GABRB1: variants seen among roughly 807,000 people sequenced by gnomAD.
The protein encoded by GABRB1 is gamma-aminobutyric acid receptor subunit beta-1.
Under a neutral mutation model 51.6 loss-of-function variants are expected in GABRB1, and 17 were observed. That is an observed-to-expected ratio of 0.33 (90% CI 0.23 to 0.49). The LOEUF is 0.49. GABRB1 is among the 20% of genes least tolerant of loss of function. The pLI is 0.99. For missense variants in GABRB1, 410 were observed against 600.6 expected (o/e 0.68, Z 3.32); for synonymous variants, 247 against 218.9 (o/e 1.13, Z -1.14).
Position 47,242,588 on chromosome 4 carries a change from A to G in GABRB1, c.462-77539A>G, listed in dbSNP as rs554572375. The stretch of plus-strand genomic sequence containing the variant: ...TTTAATAATCGCTATTCTAACTGGT[A>G]TGAGATGGTATCTCATTGTGGTTTT... On this transcript the variant is annotated intron_variant, in intron 4 of 8. Coordinates refer to ENST00000295454, the MANE Select transcript of GABRB1 (RefSeq NM_000812.4). 4.6e-5 allele frequency among the ~76,000 whole-genome samples: 7 copies of G among 152,258 alleles called. No homozygotes were observed. In the South Asian group the frequency reaches 1.0e-3, roughly 23 times the overall value.
intron 4 of GABRB1, among the ~76,000 whole-genome samples, chr4:47,266,297 G>A (rs919704650): frequency 1.3e-5 from 2 of 151,488 alleles, no homozygotes; most frequent in African/African-American, 4.8e-5. Context: ...TAATTTTATA[G>A]CAGTACCATG....
intron 4 of GABRB1, among the ~76,000 whole-genome samples, chr4:47,175,546 TA>T (rs1718659489): frequency 6.6e-6 from 1 of 152,190 alleles, no homozygotes; most frequent in Non-Finnish European, 1.5e-5. Flanking sequence ...TACTAGATTT[TA>T]AGGAGAAAGT....
At position 47,303,402 on chromosome 4, in the gene GABRB1, C is replaced by T. The variant is rs530314859; in HGVS notation, c.462-16725C>T. Among the ~76,000 whole-genome samples the T allele has an allele frequency of 1.2e-4, 18 of 148,122 alleles. No homozygotes were observed. The South Asian group carries it at 3.9e-3, about 32-fold the overall frequency. On this transcript the variant is annotated intron_variant, in intron 4 of 8. Coordinates refer to ENST00000295454, the MANE Select transcript of GABRB1 (RefSeq NM_000812.4). ...TCTCTCTCTCTATATATATATATAT[C>T]ATTCTAATAATGCCAATCAAAAATA... is the stretch of plus-strand genomic sequence containing the variant.
At position 47,200,537 on chromosome 4, in the gene GABRB1, T is replaced by G. The variant is rs1379807798; in HGVS notation, c.461+39068T>G. On this transcript the variant is annotated intron_variant, in intron 4 of 8. Transcript: ENST00000295454. ...TGACTTATCTTTCACACTTTCCATTTATAACTACTAAAGCCCCAAAACCAA... is the reference window on the plus strand; with the variant it reads ...TGACTTATCTTTCACACTTTCCATTGATAACTACTAAAGCCCCAAAACCAA... Among the ~76,000 whole-genome samples, 5 of 152,306 alleles carry G rather than the reference T, an allele frequency of 3.3e-5. No homozygotes were observed. The East Asian group carries it at 9.7e-4, about 29-fold the overall frequency.
intron 4 of GABRB1, among the ~76,000 whole-genome samples, chr4:47,227,442 A>T (rs760865359): frequency 2.0e-5 from 3 of 152,150 alleles, no homozygotes; most frequent in African/African-American, 4.8e-5. Context: ...GGAGATTTGC[A>T]TGCAGGAAGT....
chr4:47,109,800 C>A (rs1195040897), intron 3 of GABRB1, among the ~76,000 whole-genome samples: 1 of 152,034 alleles, frequency 6.6e-6, no homozygotes, highest in Non-Finnish European at 1.5e-5. Flanking sequence ...TGGAGTAGTT[C>A]TTTTCTGATC....
chr4:47,389,785 C>T (rs1049344356), intron 5 of GABRB1, among the ~76,000 whole-genome samples: 1 of 152,202 alleles, frequency 6.6e-6, no homozygotes, highest in African/African-American at 2.4e-5. Flanking sequence ...TCCAATAACT[C>T]TGTAGTGTAA....
At chr4:47,421,053 T>A (rs1729078286) in intron 8 of GABRB1, among the ~76,000 whole-genome samples, 1 of 152,288 alleles carries the variant, frequency 6.6e-6, no homozygotes, top group South Asian at 2.1e-4. Context: ...CAAGAATTGT[T>A]ATATAGCTAC....
intron 3 of GABRB1, among the ~76,000 whole-genome samples, chr4:47,080,300 A>AG (rs1248470349): frequency 6.7e-6 from 1 of 149,954 alleles, no homozygotes; most frequent in Non-Finnish European, 1.5e-5. Flanking sequence ...AGAATGAAGA[A>AG]AAAAAAAAAA....
intron 5 of GABRB1, among the ~76,000 whole-genome samples, chr4:47,350,253 G>A (rs1235142793): frequency 6.2e-5 from 6 of 96,386 alleles, no homozygotes; most frequent in Admixed American, 1.1e-4. Context: ...AGGTTTTAAG[G>A]CATTCATTAA....
intron 8 of GABRB1, among the ~76,000 whole-genome samples, chr4:47,421,880 A>T (rs1225191378): frequency 6.6e-6 from 1 of 152,070 alleles, no homozygotes; most frequent in Non-Finnish European, 1.5e-5. Context: ...ATATTTTGTG[A>T]TTATCTTGGC....
At chr4:47,156,929 C>T (rs1206969649) in intron 3 of GABRB1, among the ~76,000 whole-genome samples, 6 of 152,036 alleles carry the variant, frequency 3.9e-5, no homozygotes, top group Admixed American at 3.9e-4. Flanking sequence ...GGTCATGCCA[C>T]TGCACTCCAG....
chr4:47,391,543 A>G (rs898069446), intron 5 of GABRB1, among the ~76,000 whole-genome samples: 6 of 152,216 alleles, frequency 3.9e-5, no homozygotes, highest in Admixed American at 1.3e-4. Context: ...CTAGGATCTT[A>G]TAATTCAAAG....
chr4:47,030,485 C>T (rs1240615141), upstream of GABRB1, among the ~76,000 whole-genome samples: 1 of 152,192 alleles, frequency 6.6e-6, no homozygotes, highest in Non-Finnish European at 1.5e-5. Context: ...TTTACTTACA[C>T]TTGTGTGTGT....
At chr4:47,392,752 G>A (rs1314866118) in intron 5 of GABRB1, among the ~76,000 whole-genome samples, 3 of 152,226 alleles carry the variant, frequency 2.0e-5, no homozygotes, top group African/African-American at 4.8e-5. Flanking sequence ...AGCACAGAAA[G>A]TGGAGTATGC....
At chr4:47,061,762 T>C (rs1475750584) in intron 3 of GABRB1, among the ~76,000 whole-genome samples, 4 of 152,188 alleles carry the variant, frequency 2.6e-5, no homozygotes, top group Non-Finnish European at 5.9e-5. Flanking sequence ...AATCTAATTT[T>C]ATCAACCTAT....
chr4:47,373,835 G>C (rs747755074), intron 5 of GABRB1, among the ~76,000 whole-genome samples: 1 of 152,162 alleles, frequency 6.6e-6, no homozygotes, highest in Non-Finnish European at 1.5e-5. Flanking sequence ...GATACATATA[G>C]AGTGCGTATC....
intron 8 of GABRB1, 126 bp downstream of exon 8, chr4:47,407,052 C>A: frequency 2.2e-6 from 2 of 929,252 alleles, no homozygotes; most frequent in Non-Finnish European, 1.6e-6. Flanking sequence ...TCAACCAAGC[C>A]TTCATTTTAC....
rs530276018 is a variant in GABRB1 at position 47,310,119 on chromosome 4, T to C, written c.462-10008T>C. Among the ~76,000 whole-genome samples the C allele has an allele frequency of 5.3e-5, 8 of 152,334 alleles. No individual in the cohort carries two copies. The South Asian group carries it at 1.7e-3, about 32-fold the overall frequency. Reference sequence around the variant, plus strand: ...AAATAAGTATAGAACTAAACTGTCTTGCATTGCAATCCTGAGTGATATTTA... The same window carrying C: ...AAATAAGTATAGAACTAAACTGTCTCGCATTGCAATCCTGAGTGATATTTA... On this transcript the variant is annotated intron_variant, in intron 4 of 8. Transcript: ENST00000295454.
Sources: gnomAD v4.1 joint callset for allele counts (sites outside exome capture counted in the v4.1 genomes callset) on GRCh38, gnomAD v4.1.1 for gene constraint, MANE v1.5 for transcripts, NCBI Gene and HGNC (gene_info 2026-07-23, HGNC 2026-07-21) for gene names.